RNF126: variants seen among roughly 807,000 people sequenced by gnomAD.
RNF126 encodes ring finger protein 126, also known as E3 ubiquitin-protein ligase RNF126.
A neutral mutation model predicts 41.9 loss-of-function variants in RNF126; 20 were observed. The ratio of observed to expected loss-of-function variants is 0.48; its 90% confidence interval spans 0.34 to 0.69. RNF126 has a LOEUF of 0.69. Among genes scored for constraint, RNF126 ranks in the 30% least tolerant of loss-of-function variants. The pLI is 0.01. For synonymous variants in RNF126, 239 were observed against 202.9 expected, an observed-to-expected ratio of 1.18 and a Z score of -1.51; for missense variants, 433 against 460.6, an observed-to-expected ratio of 0.94 and a Z score of 0.55.
At chr19:662,492 G>T (rs1303555989) in intron 1 of RNF126, among the ~76,000 whole-genome samples, 1 of 152,134 alleles carries the variant, frequency 6.6e-6, no homozygotes, top group Non-Finnish European at 1.5e-5. Context: ...GGGGCGTTCC[G>T]GGCCTGGGCC....
Position 648,063 on chromosome 19 carries a change from G to A in RNF126, c.*65C>T, listed in dbSNP as rs2030046629. On this transcript the variant is annotated 3_prime_UTR_variant, in exon 9 of 9. Transcript: ENST00000292363. ...CCGCCGGGGCACCCAGTCTGTGGGT[G>A]CCGTGTGGCGCTGGCTGAGGGTGGG... 1 of 1,466,722 alleles carries A rather than the reference G, an allele frequency of 6.8e-7. No individual in the cohort carries two copies. Among genetic ancestry groups the A allele is most frequent in the Middle Eastern group, 1.8e-4 (1 of 5,490 alleles). 90.9% of individuals were successfully genotyped at this position (1,466,722 alleles called of 1,614,324 possible).
chr19:651,670 G>C lies in RNF126; in HGVS notation c.384C>G (p.Arg128=), dbSNP rs772610628. The C allele has an allele frequency of 1.9e-5, 30 of 1,565,870 alleles. No individual in the cohort carries two copies. The highest frequency in any genetic ancestry group is 2.4e-5 in the Non-Finnish European group (28 of 1,155,996). ...SRHRYGARQP[R]ARLTTRRATG... is the part of the protein sequence containing the mutation. ...TGGCCCGCCGCGTGGTGAGGCGGGCGCGGGGCTGTCGGGCGCCGTACCGGT... is the reference window on the plus strand; with the variant it reads ...TGGCCCGCCGCGTGGTGAGGCGGGCCCGGGGCTGTCGGGCGCCGTACCGGT... Residue 128 remains arginine, a synonymous_variant, in exon 4 of 9, where the codon CGC becomes CGG. Transcript: ENST00000292363.
intron 4 of RNF126, 24 bp from the exon 5 acceptor site, chr19:650,320 G>C (rs376111036): frequency 1.3e-6 from 2 of 1,565,480 alleles, no homozygotes; most frequent in Non-Finnish European, 1.7e-6. Flanking sequence ...CGCCAGTCAC[G>C]GGGTGAGGCC....
intron 3 of RNF126, 153 bp from the exon 4 acceptor site, chr19:652,008 G>T: frequency 1.4e-6 from 1 of 733,820 alleles, no homozygotes; most frequent in Non-Finnish European, 2.1e-6. Context: ...ATTGGGCAGA[G>T]CCTGCCCCGC....
At chr19:649,084 GGCCCTGGGC>G in intron 6 of RNF126, 109 bp from the exon 7 acceptor site, 1 of 505,026 alleles carries the variant, frequency 2.0e-6, no homozygotes, top group Non-Finnish European at 3.2e-6. Context: ...GTTTGTCCTG[GGCCCTGGGC>G]CCCTTGGAGC....
At chr19:650,827 A>C (rs1036260149) in intron 4 of RNF126, among the ~76,000 whole-genome samples, 3 of 151,976 alleles carry the variant, frequency 2.0e-5, no homozygotes, top group Non-Finnish European at 4.4e-5. Flanking sequence ...TCCTGACCTC[A>C]GTGATCTGCC....
intron 6 of RNF126, chr19:649,405 G>T (rs996121929): frequency 2.1e-6 from 1 of 486,194 alleles, no homozygotes; most frequent in Non-Finnish European, 3.7e-6. Flanking sequence ...GAGGGACCGC[G>T]TGGCCTCCTG....
At chr19:656,160 C>G (rs995902115) in intron 1 of RNF126, among the ~76,000 whole-genome samples, 1 of 151,950 alleles carries the variant, frequency 6.6e-6, no homozygotes, top group African/African-American at 2.4e-5. Context: ...AAACGTTTCA[C>G]CAGGTGAATT....
Position 647,936 on chromosome 19 carries a change from C to A in RNF126, c.*192G>T, listed in dbSNP as rs1433916428. ...GAGGCTGGGGACGCCCCAGAGGGGA[C>A]CATGTGGCCCACGCCTTCCCAAGCC... On this transcript the variant is annotated 3_prime_UTR_variant, in exon 9 of 9. Coordinates refer to ENST00000292363, the MANE Select transcript of RNF126 (RefSeq NM_194460.3). 3.0e-6 allele frequency: 2 copies of A among 664,654 alleles called. No individual in the cohort carries two copies. Among genetic ancestry groups the A allele is most frequent in the Non-Finnish European group, 5.1e-6 (2 of 393,468 alleles). The allele number at this position is 664,654 out of a possible 1,614,324, so 41.2% of individuals were successfully genotyped here. A position where few individuals can be genotyped will look rare whatever the true frequency, so the allele number is the denominator to read the frequency against.
chr19:658,559 C>T (rs556988608), intron 1 of RNF126, among the ~76,000 whole-genome samples: 294 of 152,270 alleles, frequency 1.9e-3, no homozygotes, highest in Non-Finnish European at 3.5e-3. Context: ...GTGTGGGCCC[C>T]GCAGCCCCAG....
chr19:660,824 A>G (rs1423078774), intron 1 of RNF126, among the ~76,000 whole-genome samples: 1 of 152,166 alleles, frequency 6.6e-6, no homozygotes, highest in Non-Finnish European at 1.5e-5. Flanking sequence ...CTGTAGAGAC[A>G]GGGTCCTGCC....
At chr19:650,130 C>T in intron 5 of RNF126, 104 bp downstream of exon 5, 1 of 928,840 alleles carries the variant, frequency 1.1e-6, no homozygotes, top group South Asian at 1.6e-5. Flanking sequence ...ACAGGCACCC[C>T]CTCCTACTCA....
Position 659,545 on chromosome 19 carries a change from T to C in RNF126, c.75+3502A>G, listed in dbSNP as rs999821069. ...AGGACGGCACGCAGGGCCACCTCCC[T>C]GCGCCCGCCTGGTTCCTGGGGGCTC... On this transcript the variant is annotated intron_variant, in intron 1 of 8. Transcript: ENST00000292363. This position sits in a 1 kb window ranked among gnomAD's most constrained non-coding sequence, Gnocchi z 4.9. Among the ~76,000 whole-genome samples, 1 of 152,094 alleles carries C rather than the reference T, an allele frequency of 6.6e-6. No individual in the cohort carries two copies. Among genetic ancestry groups the C allele is most frequent in the African/African-American group, 2.4e-5 (1 of 41,422 alleles).
chr19:652,933 G>A lies in RNF126; in HGVS notation c.76-49C>T, dbSNP rs767355753. On this transcript the variant is annotated intron_variant, in intron 1 of 8. Transcript: ENST00000292363. ...GGTCACGGTGACGCCGGCATCACCT[G>A]CAAACCCCCCCAAGTGTGAGGACAG... is the stretch of plus-strand genomic sequence containing the variant. 4 of 1,553,874 alleles carry A rather than the reference G, an allele frequency of 2.6e-6. No individual in the cohort carries two copies. The Admixed American group carries it at 5.2e-5, about 20-fold the overall frequency.
At position 659,995 on chromosome 19, in the gene RNF126, C is replaced by G. The variant is rs890497107; in HGVS notation, c.75+3052G>C. On this transcript the variant is annotated intron_variant, in intron 1 of 8. Coordinates refer to ENST00000292363, the MANE Select transcript of RNF126 (RefSeq NM_194460.3). This position sits in a 1 kb window ranked among gnomAD's most constrained non-coding sequence, Gnocchi z 4.9. ...AGCCAGGCTGGTCTCGAACTCCTGA[C>G]CTCAGGTGATCCGTCCACCTCAGCC... 6.6e-6 allele frequency among the ~76,000 whole-genome samples: 1 copy of G among 152,188 alleles called. No homozygotes were observed. The highest frequency in any genetic ancestry group is 1.5e-5 in the Non-Finnish European group (1 of 68,026).
At chr19:652,456 C>T in intron 2 of RNF126, 160 bp from the exon 3 acceptor site, 1 of 662,868 alleles carries the variant, frequency 1.5e-6, no homozygotes, top group Non-Finnish European at 2.5e-6. Flanking sequence ...CCCGCTGCTG[C>T]TTCCCTCGCC....
At chr19:654,930 G>GT (rs1251081624) in intron 1 of RNF126, among the ~76,000 whole-genome samples, 1 of 151,360 alleles carries the variant, frequency 6.6e-6, no homozygotes, top group African/African-American at 2.4e-5. Context: ...TCATGACATT[G>GT]TAACTCCAGC....
intron 1 of RNF126, among the ~76,000 whole-genome samples, chr19:653,674 G>C (rs1389422003): frequency 6.6e-6 from 1 of 152,200 alleles, no homozygotes; most frequent in African/African-American, 2.4e-5. Flanking sequence ...GCTGAAACGT[G>C]CATGGTGCCT....
At chr19:652,190 C>G (rs2030337789) in intron 3 of RNF126, 43 bp downstream of exon 3, 6 of 1,468,708 alleles carry the variant, frequency 4.1e-6, no homozygotes, top group Non-Finnish European at 5.4e-6. Context: ...GGGCCCCGAG[C>G]AAGGCTGACA....
Sources: gnomAD v4.1 joint callset for allele counts (sites outside exome capture counted in the v4.1 genomes callset) on GRCh38, gnomAD v4.1.1 for gene constraint, Gnocchi (gnomAD v3.1) non-coding constraint, MANE v1.5 for transcripts, NCBI Gene and HGNC (gene_info 2026-07-23, HGNC 2026-07-21) for gene names.